The following FER1L6 variants were observed in gnomAD, a reference collection of about 807,000 sequenced individuals.
FER1L6 encodes the protein fer-1 like family member 6.
A neutral mutation model predicts 219.2 loss-of-function variants in FER1L6; 177 were observed. The observed-to-expected ratio is 0.81, with a 90% confidence interval of 0.71 to 0.91. The LOEUF is 0.91. Ranked by LOEUF, FER1L6 falls within the 40% of genes least tolerant of loss-of-function variation. The probability of loss-of-function intolerance (pLI) is 0.00; values close to 1 mark genes in which losing one functional copy is unlikely to be tolerated. For missense variants in FER1L6, 2,153 were observed against 2,259.9 expected, an observed-to-expected ratio of 0.95 and a Z score of 0.96; for synonymous variants, 768 against 824.3, an observed-to-expected ratio of 0.93 and a Z score of 1.17.
intron 39 of FER1L6, among the ~76,000 whole-genome samples, chr8:124,104,243 G>T (rs1304191064): frequency 6.6e-6 from 1 of 152,162 alleles, no homozygotes; most frequent in African/African-American, 2.4e-5. Flanking sequence ...AGTTAATGAG[G>T]GTTTACTACA....
chr8:124,036,367 G>A (rs545032498), intron 19 of FER1L6: 16 of 152,356 alleles, frequency 1.1e-4, no homozygotes, highest in African/African-American at 3.6e-4. Context: ...AAATGCGTAA[G>A]AGCATTGTCT....
chr8:124,113,689 G>C (rs746444514), intron 39 of FER1L6, among the ~76,000 whole-genome samples: 1 of 152,042 alleles, frequency 6.6e-6, no homozygotes, highest in Non-Finnish European at 1.5e-5. Flanking sequence ...TTCCCCTCAT[G>C]TTGACTATTT....
chr8:123,883,652 T>G (rs573870278), intron 1 of FER1L6, among the ~76,000 whole-genome samples: 7 of 152,272 alleles, frequency 4.6e-5, no homozygotes, highest in African/African-American at 1.7e-4. Context: ...TTCTCACAAT[T>G]CTGGGGGCTG....
At chr8:124,065,234 A>G (rs1820775371) in intron 26 of FER1L6, among the ~76,000 whole-genome samples, 1 of 151,500 alleles carries the variant, frequency 6.6e-6, no homozygotes, top group African/African-American at 2.4e-5. Flanking sequence ...TCTCTACTAA[A>G]AAAAAAAATA....
Position 124,039,993 on chromosome 8 carries a change from G to C in FER1L6, c.2576G>C (p.Cys859Ser). 1 of 1,614,054 alleles carries C rather than the reference G, an allele frequency of 6.2e-7. No homozygotes were observed. The highest frequency in any genetic ancestry group is 8.5e-7 in the Non-Finnish European group (1 of 1,179,984). ...GCCAAAGTCACGTTCCTTTCTCACT[G>C]CCAGACAACAAAGGTAACCAGGGTA... ...PFAKVTFLSH[C>S]QTTKIISQTL... The change falls in exon 20 of 41, where the codon TGC becomes TCC. Residue 859 changes from cysteine (C) to serine (S), a missense_variant. Cys to Ser is a moderately radical substitution (Grantham distance 112). Transcript: ENST00000522917.
At position 124,045,819 on chromosome 8, in the gene FER1L6, A is replaced by T; in HGVS notation, c.2642A>T (p.Asp881Val). The change falls in exon 21 of 41, where the codon GAT becomes GTT. Residue 881 changes from aspartate (D) to valine (V), a missense_variant. Asp to Val is a radical substitution (Grantham distance 152). Transcript: ENST00000522917. ...TGGAACCAGATGCTGCTGTTCAATGATTTGGTGCTGCATGGAGATGTGAAG... is the reference window on the plus strand; with the variant it reads ...TGGAACCAGATGCTGCTGTTCAATGTTTTGGTGCTGCATGGAGATGTGAAG... Reference protein sequence around the residue: ...PTWNQMLLFNDLVLHGDVKEL... With the variant: ...PTWNQMLLFNVLVLHGDVKEL... The T allele has an allele frequency of 6.2e-7, 1 of 1,614,056 alleles. No homozygotes were observed.
chr8:123,900,083 G>A (rs1812829929), intron 1 of FER1L6, among the ~76,000 whole-genome samples: 1 of 152,116 alleles, frequency 6.6e-6, no homozygotes, highest in African/African-American at 2.4e-5. Context: ...GATTGCTTTT[G>A]GTAGTATGGT....
chr8:123,975,395 C>A, intron 8 of FER1L6, 89 bp downstream of exon 8: 1 of 1,233,122 alleles, frequency 8.1e-7, no homozygotes, highest in Non-Finnish European at 1.1e-6. Flanking sequence ...CTTATGGGTA[C>A]ATGAGAACCA....
intron 13 of FER1L6, among the ~76,000 whole-genome samples, chr8:124,008,832 A>G (rs1306991500): frequency 6.6e-6 from 1 of 152,224 alleles, no homozygotes; most frequent in Non-Finnish European, 1.5e-5. Context: ...ACAGTTCTCA[A>G]AAGAAGACAC....
At position 123,853,721 on chromosome 8, in the gene FER1L6, A is replaced by G. The variant is rs1236991673; in HGVS notation, c.-8+1536A>G. Among the ~76,000 whole-genome samples the G allele has an allele frequency of 6.6e-6, 1 of 152,210 alleles. No homozygotes were observed. Among genetic ancestry groups the G allele is most frequent in the Non-Finnish European group, 1.5e-5 (1 of 68,034 alleles). On this transcript the variant is annotated intron_variant, in intron 1 of 40. Coordinates refer to ENST00000522917, the MANE Select transcript of FER1L6 (RefSeq NM_001039112.2). This position sits in a 1 kb window ranked among gnomAD's most constrained non-coding sequence, Gnocchi z 6.6. ...AGGTGACATGCTCATGGCTATGATG[A>G]AGACCTGGAGGAGGAAAAGGCCAGA...
At chr8:123,855,647 C>T (rs914827252) in intron 1 of FER1L6, among the ~76,000 whole-genome samples, 5 of 146,362 alleles carry the variant, frequency 3.4e-5, no homozygotes, top group Non-Finnish European at 5.9e-5. Context: ...AGCAAGAGAA[C>T]GGATGTGAAG....
chr8:123,927,162 G>GAAAA (rs10531303), intron 1 of FER1L6, among the ~76,000 whole-genome samples: 1 of 135,714 alleles, frequency 7.4e-6, no homozygotes. Flanking sequence ...CAGCAGGCAG[G>GAAAA]AAAAAAAAAA....
At chr8:123,906,898 C>T (rs769376894) in intron 1 of FER1L6, among the ~76,000 whole-genome samples, 1 of 151,954 alleles carries the variant, frequency 6.6e-6, no homozygotes, top group Non-Finnish European at 1.5e-5. Flanking sequence ...TCCAATTTCA[C>T]GTCTTGGATA....
In FER1L6 at chr8:124,003,196, T is replaced by G. The variant is rs1421536700; in HGVS notation, c.1549T>G (p.Ser517Ala). The G allele has an allele frequency of 1.9e-6, 3 of 1,613,972 alleles. No homozygotes were observed. In the East Asian group the frequency reaches 6.7e-5, roughly 36 times the overall value. Residue 517 changes from serine (S) to alanine (A), a missense_variant, in exon 13 of 41, where the codon TCC becomes GCC. By Grantham distance (99) the Ser-to-Ala change is moderately conservative. Transcript: ENST00000522917. ...GNFGNLIDGG[S>A]HHGSKKSAES... ...TTTTGGAAACCTGATTGATGGAGGA[T>G]CCCATCATGGGAGTAAGAAGTCAGC...
chr8:123,953,682 C>T (rs376123741), intron 1 of FER1L6, among the ~76,000 whole-genome samples: 1 of 152,182 alleles, frequency 6.6e-6, no homozygotes, highest in East Asian at 1.9e-4. Flanking sequence ...CAGATACTGT[C>T]TTTTATTATT....
intron 19 of FER1L6, among the ~76,000 whole-genome samples, chr8:124,039,621 G>C (rs1327485432): frequency 6.6e-6 from 1 of 152,150 alleles, no homozygotes. Context: ...ATGCTATTTC[G>C]CATGGTTTTA....
chr8:124,119,788 T>G lies in FER1L6; in HGVS notation c.5572T>G (p.Ter1858GluextTer22). Residue 1858 changes from the stop codon to glutamate (E), a stop_lost, in exon 41 of 41, where the codon TAG becomes GAG. Transcript: ENST00000522917. Reference protein sequence around the residue: ...AISRRIVVGS* With the variant: ...AISRRIVVGSE ...CAGCCGAAGGATCGTTGTGGGCTCA[T>G]AGAGGATCATGGAGGACCCAGATCC... 3.1e-6 allele frequency: 5 copies of G among 1,613,778 alleles called. No individual in the cohort carries two copies. Among genetic ancestry groups the G allele is most frequent in the Non-Finnish European group, 4.2e-6 (5 of 1,179,860 alleles).
At chr8:123,965,509 T>C (rs1815497644) in intron 3 of FER1L6, among the ~76,000 whole-genome samples, 1 of 152,212 alleles carries the variant, frequency 6.6e-6, no homozygotes, top group Admixed American at 6.5e-5. Flanking sequence ...ATGGAGATGG[T>C]ATCTTTAGTC....
intron 31 of FER1L6, 91 bp from the exon 32 acceptor site, chr8:124,076,107 C>T: frequency 1.3e-6 from 2 of 1,503,164 alleles, no homozygotes; most frequent in Non-Finnish European, 1.8e-6. Context: ...AGAAGTCAGG[C>T]ATTAGCATTT....
Sources: gnomAD v4.1 joint callset for allele counts (sites outside exome capture counted in the v4.1 genomes callset) on GRCh38, gnomAD v4.1.1 for gene constraint, Gnocchi (gnomAD v3.1) non-coding constraint, MANE v1.5 for transcripts, NCBI Gene and HGNC (gene_info 2026-07-23, HGNC 2026-07-21) for gene names.